The following SDR42E2 variants were observed in gnomAD, a reference collection of about 807,000 sequenced individuals.
The protein encoded by SDR42E2 is short chain dehydrogenase/reductase family 42E, member 2.
SDR42E2 carries 20 observed loss-of-function variants against 10.5 expected under a neutral mutation model. The observed-to-expected ratio is 1.90, with a 90% CI of 1.34 to 2.77. The LOEUF is 2.77. Among genes scored for constraint, SDR42E2 ranks in the 30% most tolerant of loss-of-function variants. SDR42E2 has a pLI of 0.00. For missense variants in SDR42E2, 162 were observed against 104.2 expected (o/e 1.55, Z -2.42); for synonymous variants, 72 against 39.2 (o/e 1.84, Z -3.12).
chr16:22,175,595 T>C (rs1198096433), intron 7 of SDR42E2, among the ~76,000 whole-genome samples: 2 of 151,188 alleles, frequency 1.3e-5, no homozygotes, highest in South Asian at 2.1e-4. Flanking sequence ...GGTAGGATGA[T>C]TGCTTGAGCC....
At position 22,166,340 on chromosome 16, in the gene SDR42E2, T is replaced by C; in HGVS notation, c.146T>C (p.Leu49Pro). 2.5e-6 allele frequency: 1 copy of C among 402,774 alleles called. No individual in the cohort carries two copies. Among genetic ancestry groups the C allele is most frequent in the South Asian group, 1.2e-4 (1 of 8,218 alleles). The allele number at this position is 402,774 out of a possible 1,614,324, so 25.0% of individuals were successfully genotyped here. Residue 49 changes from leucine (L) to proline (P), a missense_variant, in exon 3 of 13, where the codon CTG becomes CCG. Leu to Pro is a moderately conservative substitution (Grantham distance 98). Transcript: ENST00000602312. ...GGAGGAGGCTACCTGGGCTTCAGCC[T>C]GGGATCCCACCTAGCCAAGAGCGGC... ...TGGGGYLGFSLGSHLAKSGTS... is the reference protein window; with the variant it reads ...TGGGGYLGFSPGSHLAKSGTS...
intron 12 of SDR42E2, among the ~76,000 whole-genome samples, chr16:22,189,914 G>A (rs9938607): frequency 0.023 from 3,518 of 152,278 alleles, 138 homozygotes; most frequent in African/African-American, 0.08. Flanking sequence ...TGGAGGGGGC[G>A]ACGCAAAGGC....
chr16:22,169,350 GCTGCC>G, intron 4 of SDR42E2, 90 bp from the exon 5 acceptor site: 1 of 696,724 alleles, frequency 1.4e-6, no homozygotes. Flanking sequence ...TGAACATCCT[GCTGCC>G]CTGTCCCACC....
At chr16:22,164,607 G>A (rs2046520521) in intron 1 of SDR42E2, among the ~76,000 whole-genome samples, 1 of 152,168 alleles carries the variant, frequency 6.6e-6, no homozygotes, top group Non-Finnish European at 1.5e-5. Flanking sequence ...TAGGCCCATA[G>A]ACCAGACCCT....
In SDR42E2 at chr16:22,172,384, C is replaced by A. The variant is rs2046609243; in HGVS notation, c.589+53C>A. The A allele has an allele frequency of 1.6e-5, 11 of 703,240 alleles. No homozygotes were observed. In the South Asian group the frequency reaches 1.6e-4, roughly 10 times the overall value. The allele number at this position is 703,240 out of a possible 1,614,324, so 43.6% of individuals were successfully genotyped here. ...CAAATGCACCTGCCCACTGCTGCCT[C>A]CTCCAAAATACATGTGTGATTCATG... On this transcript the variant is annotated intron_variant, in intron 7 of 12. Transcript: ENST00000602312.
chr16:22,182,627 C>G (rs770620880), intron 10 of SDR42E2, among the ~76,000 whole-genome samples: 29 of 152,340 alleles, frequency 1.9e-4, no homozygotes, highest in Non-Finnish European at 3.5e-4. Flanking sequence ...GGATTACAGG[C>G]ATGAGCCACT....
intron 11 of SDR42E2, among the ~76,000 whole-genome samples, chr16:22,185,437 AGGATT>A (rs1435624070): frequency 6.6e-6 from 1 of 152,130 alleles, no homozygotes; most frequent in African/African-American, 2.4e-5. Flanking sequence ...GCACTTGGAG[AGGATT>A]GTAAAGGCGT....
chr16:22,173,756 T>C (rs1327308929), intron 7 of SDR42E2, among the ~76,000 whole-genome samples: 1 of 151,722 alleles, frequency 6.6e-6, no homozygotes, highest in African/African-American at 2.4e-5. Context: ...GTACAGTGGC[T>C]CACGCCTGTA....
In SDR42E2 at chr16:22,190,467, C is replaced by A. The variant is rs1050266403; in HGVS notation, c.*74C>A. The A allele has an allele frequency of 1.6e-4, 66 of 400,806 alleles. No homozygotes were observed. Among genetic ancestry groups the A allele is most frequent in the Non-Finnish European group, 1.1e-4 (25 of 226,926 alleles). 24.8% of individuals were successfully genotyped at this position (400,806 alleles called of 1,614,324 possible). A position where few individuals can be genotyped will look rare whatever the true frequency, so the allele number is the denominator to read the frequency against. The stretch of plus-strand genomic sequence containing the variant: ...CCACGCCCGGCTCCCTGGGCTTGTA[C>A]CAGCCCCTGCCCCGCCTTCTGGGTT... On this transcript the variant is annotated 3_prime_UTR_variant, in exon 13 of 13. Transcript: ENST00000602312.
At chr16:22,164,473 C>T (rs149179105) in intron 1 of SDR42E2, among the ~76,000 whole-genome samples, 6 of 152,234 alleles carry the variant, frequency 3.9e-5, no homozygotes, top group South Asian at 2.1e-4. Flanking sequence ...ATGGAAGGAT[C>T]GCTTGAGCAC....
At position 22,186,814 on chromosome 16, in the gene SDR42E2, G is replaced by A; in HGVS notation, c.1014+20G>A. 1 of 338,264 alleles carries A rather than the reference G, an allele frequency of 3.0e-6. No individual in the cohort carries two copies. Among genetic ancestry groups the A allele is most frequent in the Non-Finnish European group, 5.0e-6 (1 of 198,792 alleles). The allele number at this position is 338,264 out of a possible 1,614,324, so 21.0% of individuals were successfully genotyped here. ...AGTGAGGTAAGTGGGCTGCTGTTAT[G>A]GGACCTAGGCCCTGCTCCCCATCCC... On this transcript the variant is annotated intron_variant, in intron 12 of 12. Coordinates refer to ENST00000602312, the MANE Select transcript of SDR42E2 (RefSeq NM_001394319.2).
intron 8 of SDR42E2, among the ~76,000 whole-genome samples, chr16:22,179,278 T>C (rs2046672583): frequency 6.6e-6 from 1 of 152,134 alleles, no homozygotes; most frequent in Admixed American, 6.5e-5. Flanking sequence ...CGTGAACTAC[T>C]GGACCCAGCA....
rs75733339 is a variant in SDR42E2 at position 22,164,628 on chromosome 16, G to A, written c.-36-919G>A. On this transcript the variant is annotated intron_variant, in intron 1 of 12. Transcript: ENST00000602312. ...CATAGACCAGACCCTAAAGCCTGCA[G>A]AGGGATTGGGCAGAACGTGTGGTAC... Among the ~76,000 whole-genome samples, 122 of 152,312 alleles carry A rather than the reference G, an allele frequency of 8.0e-4. 1 individual carries two copies. The East Asian group carries it at 0.022, about 27-fold the overall frequency.
rs1415611521 is a variant in SDR42E2 at position 22,166,890 on chromosome 16, T to A, written c.241-14T>A. 1.5e-6 allele frequency: 1 copy of A among 651,834 alleles called. No individual in the cohort carries two copies. The highest frequency in any genetic ancestry group is 2.1e-5 in the Admixed American group (1 of 47,146). 40.4% of individuals were successfully genotyped at this position (651,834 alleles called of 1,614,324 possible). ...TTGAACCCCCTGCCCTCATCTCTTC[T>A]TCCTCTGGTGCAGGCTGATGTCCGA... is the stretch of plus-strand genomic sequence containing the variant. On this transcript the variant is annotated splice_polypyrimidine_tract_variant and intron_variant, in intron 3 of 12. Transcript: ENST00000602312.
chr16:22,169,630 G>A (rs1221121331), intron 5 of SDR42E2, 128 bp downstream of exon 5: 2 of 681,820 alleles, frequency 2.9e-6, no homozygotes, highest in South Asian at 1.6e-5. Flanking sequence ...TTCGTGCACT[G>A]CAGACCTCCC....
At chr16:22,178,680 G>T (rs1440054264) in intron 8 of SDR42E2, among the ~76,000 whole-genome samples, 1 of 152,236 alleles carries the variant, frequency 6.6e-6, no homozygotes, top group East Asian at 1.9e-4. Context: ...GGGGAGGGCT[G>T]TGGAGAGAGG....
Position 22,186,803 on chromosome 16 carries a change from G to C in SDR42E2, c.1014+9G>C, listed in dbSNP as rs773605726. ...TGCTCACTCGTAGTGAGGTAAGTGG[G>C]CTGCTGTTATGGGACCTAGGCCCTG... On this transcript the variant is annotated intron_variant, in intron 12 of 12. Coordinates refer to ENST00000602312, the MANE Select transcript of SDR42E2 (RefSeq NM_001394319.2). 8 of 375,530 alleles carry C rather than the reference G, an allele frequency of 2.1e-5. No homozygotes were observed. The highest frequency in any genetic ancestry group is 3.2e-5 in the Non-Finnish European group (7 of 216,378). 23.3% of individuals were successfully genotyped at this position (375,530 alleles called of 1,614,324 possible). A position where few individuals can be genotyped will look rare whatever the true frequency, so the allele number is the denominator to read the frequency against.
chr16:22,177,703 G>A (rs2046656469), intron 7 of SDR42E2, among the ~76,000 whole-genome samples: 1 of 152,152 alleles, frequency 6.6e-6, no homozygotes, highest in South Asian at 2.1e-4. Flanking sequence ...CTATGGGCAT[G>A]AGGGCATGTG....
chr16:22,180,828 GA>G (rs1483593659), intron 8 of SDR42E2, among the ~76,000 whole-genome samples: 1 of 152,204 alleles, frequency 6.6e-6, no homozygotes, highest in Non-Finnish European at 1.5e-5. Flanking sequence ...CCAACATGGT[GA>G]AACCCTGTCT....
Sources: gnomAD v4.1 joint callset for allele counts (sites outside exome capture counted in the v4.1 genomes callset) on GRCh38, gnomAD v4.1.1 for gene constraint, MANE v1.5 for transcripts, NCBI Gene and HGNC (gene_info 2026-07-23, HGNC 2026-07-21) for gene names.